The following BRINP2 variants were observed in gnomAD, a reference collection of about 807,000 sequenced individuals.
BRINP2 encodes the protein BMP/retinoic acid-inducible neural-specific protein 2.
Under a neutral mutation model 69.2 loss-of-function variants are expected in BRINP2, and 21 were observed. The ratio of observed to expected loss-of-function variants is 0.30; its 90% CI spans 0.22 to 0.44. The LOEUF (loss-of-function observed/expected upper bound fraction) is 0.44, where lower values mean the gene tolerates loss of function less well. BRINP2 is among the 20% of genes least tolerant of loss of function. BRINP2 has a pLI of 1.00. For missense variants in BRINP2, 877 were observed against 986.0 expected, an observed-to-expected ratio of 0.89 and a Z score of 1.48; for synonymous variants, 380 against 394.1, an observed-to-expected ratio of 0.96 and a Z score of 0.42.
intron 1 of BRINP2, among the ~76,000 whole-genome samples, chr1:177,197,364 G>GAGCC (rs997814922): frequency 2.8e-4 from 43 of 152,206 alleles, no homozygotes; most frequent in African/African-American, 9.9e-4. Context: ...ATTGATGAAG[G>GAGCC]AGCCGCCTGT....
At chr1:177,182,171 C>T (rs1648278280) in intron 1 of BRINP2, among the ~76,000 whole-genome samples, 1 of 145,714 alleles carries the variant, frequency 6.9e-6, no homozygotes, top group Non-Finnish European at 1.5e-5. Flanking sequence ...CCCTTAGCTC[C>T]CTCACTCAGC....
At chr1:177,240,016 A>G (rs1259171123) in intron 2 of BRINP2, among the ~76,000 whole-genome samples, 1 of 152,192 alleles carries the variant, frequency 6.6e-6, no homozygotes, top group African/African-American at 2.4e-5. Context: ...AGTGAGTAAG[A>G]AGTCTTACTG....
Position 177,237,337 on chromosome 1 carries a change from G to T in BRINP2, c.269+7192G>T, listed in dbSNP as rs569107532. On this transcript the variant is annotated intron_variant, in intron 2 of 7. Transcript: ENST00000361539. ...GATTAGCAGTCCAGTTTGAGTGACAGCATACACATCAGAAAACACATTGGG... is the reference window on the plus strand; with the variant it reads ...GATTAGCAGTCCAGTTTGAGTGACATCATACACATCAGAAAACACATTGGG... Among the ~76,000 whole-genome samples, 5 of 152,346 alleles carry T rather than the reference G, an allele frequency of 3.3e-5. No individual in the cohort carries two copies. The South Asian group carries it at 8.3e-4, about 25-fold the overall frequency.
chr1:177,270,389 T>C (rs938228628), intron 4 of BRINP2, among the ~76,000 whole-genome samples: 2 of 152,182 alleles, frequency 1.3e-5, no homozygotes, highest in Non-Finnish European at 2.9e-5. Flanking sequence ...ACCCTTTTAA[T>C]GACTTACCTA....
At chr1:177,267,252 C>CG (rs35757954) in intron 4 of BRINP2, among the ~76,000 whole-genome samples, 91,207 of 152,042 alleles carry the variant, frequency 0.6, 27,719 homozygotes, top group South Asian at 0.66. Flanking sequence ...CCTAGGCACA[C>CG]GAACTTGGAA....
intron 1 of BRINP2, among the ~76,000 whole-genome samples, chr1:177,216,426 A>G (rs1163956921): frequency 6.6e-6 from 1 of 152,050 alleles, no homozygotes. Context: ...TCTGAATTGT[A>G]TCTTTTTTAA....
intron 4 of BRINP2, among the ~76,000 whole-genome samples, chr1:177,270,082 T>TCG (rs547461505): frequency 3.1e-5 from 4 of 130,082 alleles, no homozygotes; most frequent in Admixed American, 7.8e-5. Context: ...GGGCAAGGGG[T>TCG]GGGGGGGGTG....
In BRINP2 at chr1:177,257,345, A is replaced by G; in HGVS notation, c.630A>G (p.Arg210=). 1 of 1,613,664 alleles carries G rather than the reference A, an allele frequency of 6.2e-7. No homozygotes were observed. Among genetic ancestry groups the G allele is most frequent in the Non-Finnish European group, 8.5e-7 (1 of 1,179,738 alleles). ...TCATCGACAGAGAGAGCACGCTGCG[A>G]CGGCTGCACCATATCCAGATAGCCA... ...SYFIDRESTL[R]RLHHIQIATG... The change falls in exon 4 of 8, where the codon CGA becomes CGG. Residue 210 remains arginine (R), a synonymous_variant. Coordinates refer to ENST00000361539, the MANE Select transcript of BRINP2 (RefSeq NM_021165.4).
chr1:177,243,880 AG>A (rs1251638896), intron 2 of BRINP2, among the ~76,000 whole-genome samples: 1 of 148,694 alleles, frequency 6.7e-6, no homozygotes, highest in African/African-American at 2.5e-5. Context: ...AAGAGCATGA[AG>A]GATTTCATGA....
intron 1 of BRINP2, among the ~76,000 whole-genome samples, chr1:177,180,184 C>T (rs1232376867): frequency 3.3e-5 from 5 of 152,142 alleles, no homozygotes; most frequent in Non-Finnish European, 5.9e-5. Flanking sequence ...AGTGTCATTC[C>T]TGTTTTGCAT....
intron 2 of BRINP2, among the ~76,000 whole-genome samples, chr1:177,231,337 G>A: frequency 6.6e-6 from 1 of 152,198 alleles, no homozygotes; most frequent in Non-Finnish European, 1.5e-5. Context: ...TCTGGGTTCT[G>A]AAAATATATT....
intron 1 of BRINP2, among the ~76,000 whole-genome samples, chr1:177,187,876 T>A (rs1648474718): frequency 6.6e-6 from 1 of 152,156 alleles, no homozygotes; most frequent in Admixed American, 6.5e-5. Flanking sequence ...GTTCTGTAAT[T>A]TAAAAGATTA....
intron 1 of BRINP2, among the ~76,000 whole-genome samples, chr1:177,216,995 A>T (rs1224969609): frequency 1.3e-5 from 2 of 151,218 alleles, no homozygotes; most frequent in African/African-American, 4.9e-5. Flanking sequence ...TTTTGGTTAG[A>T]GTTTTATTGC....
intron 1 of BRINP2, among the ~76,000 whole-genome samples, chr1:177,221,963 G>A (rs1011028381): frequency 1.3e-5 from 2 of 152,184 alleles, no homozygotes; most frequent in Admixed American, 6.5e-5. Context: ...CCAGACAACT[G>A]GGGAATCAAG....
At position 177,191,505 on chromosome 1, in the gene BRINP2, A is replaced by G. The variant is rs183681610; in HGVS notation, c.-77+19773A>G. ...AGTCTAGCTCTGTCACCCAGGCTGG[A>G]GTGCAATGGCAAGATCTCAGCTCAC... On this transcript the variant is annotated intron_variant, in intron 1 of 7. Transcript: ENST00000361539. Among the ~76,000 whole-genome samples, 21 of 152,138 alleles carry G rather than the reference A, an allele frequency of 1.4e-4. No homozygotes were observed. In the East Asian group the frequency reaches 4.1e-3, roughly 29 times the overall value.
chr1:177,254,217 C>A (rs914068265), intron 2 of BRINP2, among the ~76,000 whole-genome samples: 2 of 152,160 alleles, frequency 1.3e-5, no homozygotes, highest in Admixed American at 1.3e-4. Context: ...AATATGGATC[C>A]GCTTAGTCTA....
At chr1:177,223,386 T>C (rs762163788) in intron 1 of BRINP2, among the ~76,000 whole-genome samples, 2 of 152,180 alleles carry the variant, frequency 1.3e-5, no homozygotes, top group Non-Finnish European at 2.9e-5. Context: ...TACAGGATCC[T>C]AAGTCCTATG....
chr1:177,230,424 A>G (rs7521851), intron 2 of BRINP2, among the ~76,000 whole-genome samples: 34,024 of 152,218 alleles, frequency 0.22, 4,143 homozygotes, highest in African/African-American at 0.26. Context: ...TATAAGTTGA[A>G]GACAAATCAG....
chr1:177,254,328 C>T (rs142185785), intron 2 of BRINP2, among the ~76,000 whole-genome samples: 112 of 151,862 alleles, frequency 7.4e-4, no homozygotes, highest in African/African-American at 2.5e-3. Context: ...CACTAAGAGT[C>T]ATGTATTCTT....
Sources: gnomAD v4.1 joint callset for allele counts (sites outside exome capture counted in the v4.1 genomes callset) on GRCh38, gnomAD v4.1.1 for gene constraint, MANE v1.5 for transcripts, NCBI Gene and HGNC (gene_info 2026-07-23, HGNC 2026-07-21) for gene names.